The following KNDC1 variants were observed in gnomAD, a reference collection of about 807,000 sequenced individuals.
KNDC1 encodes kinase non-catalytic C-lobe domain-containing protein 1.
Under a neutral mutation model 172.8 loss-of-function variants are expected in KNDC1, and 106 were observed. That is an observed-to-expected ratio of 0.61 (90% CI 0.52 to 0.72). KNDC1 has a LOEUF of 0.72. Among genes scored for constraint, KNDC1 ranks in the 30% least tolerant of loss-of-function variants. The probability of loss-of-function intolerance (pLI) is 0.00; values close to 1 mark genes in which losing one functional copy is unlikely to be tolerated. For synonymous variants in KNDC1, 1,083 were observed against 1,062.2 expected, an observed-to-expected ratio of 1.02 and a Z score of -0.38; for missense variants, 2,325 against 2,394.5, an observed-to-expected ratio of 0.97 and a Z score of 0.61.
At chr10:133,173,756 G>A (rs11101608) in intron 3 of KNDC1, among the ~76,000 whole-genome samples, 3,365 of 152,316 alleles carry the variant, frequency 0.022, 45 homozygotes, top group Middle Eastern at 0.034. Flanking sequence ...TGTGCCTCCT[G>A]TGGGTGGGCT....
At position 133,213,498 on chromosome 10, in the gene KNDC1, C is replaced by T. The variant is rs368770505; in HGVS notation, c.4444-147C>T. On this transcript the variant is annotated intron_variant, in intron 24 of 29. Transcript: ENST00000304613. Reference sequence around the variant, plus strand: ...CCAAGCACATGGGGAGCCCTGCAGCCGACCCCTGTGGACTGTTAGATGGGT... The same window carrying T: ...CCAAGCACATGGGGAGCCCTGCAGCTGACCCCTGTGGACTGTTAGATGGGT... 1.5e-4 allele frequency: 99 copies of T among 665,444 alleles called. No homozygotes were observed. The East Asian group carries it at 1.8e-3, about 12-fold the overall frequency. The allele number at this position is 665,444 out of a possible 1,614,324, so 41.2% of individuals were successfully genotyped here. A position where few individuals can be genotyped will look rare whatever the true frequency, so the allele number is the denominator to read the frequency against.
intron 3 of KNDC1, 76 bp from the exon 4 acceptor site, chr10:133,183,268 C>A: frequency 6.9e-7 from 1 of 1,449,416 alleles, no homozygotes; most frequent in Non-Finnish European, 9.2e-7. Flanking sequence ...GAGCTCCTGG[C>A]CCGGAGAAGT....
Position 133,199,523 on chromosome 10 carries a change from T to C in KNDC1, c.2824T>C (p.Phe942Leu). 6.2e-7 allele frequency: 1 copy of C among 1,613,908 alleles called. No homozygotes were observed. Among genetic ancestry groups the C allele is most frequent in the Non-Finnish European group, 8.5e-7 (1 of 1,180,004 alleles). Reference protein sequence around the residue: ...ATFCGAISEKFCDLYWDEKLL... With the variant: ...ATFCGAISEKLCDLYWDEKLL... ...TTTCTGTGGCGCCATTTCCGAGAAG[T>C]TCTGTGACCTGTACTGGGATGAGAA... Residue 942 changes from phenylalanine to leucine, a missense_variant, in exon 15 of 30, where the codon TTC becomes CTC. Phe to Leu is a conservative substitution (Grantham distance 22). Transcript: ENST00000304613.
chr10:133,184,020 T>TCTTGCATGCATCCTCTTG (rs138319019), intron 5 of KNDC1, 31 bp downstream of exon 5: 1 of 1,321,568 alleles, frequency 7.6e-7, no homozygotes, highest in Non-Finnish European at 1.1e-6. Flanking sequence ...ACGTGCATCC[T>TCTTGCATGCATCCTCTTG]CATGCACATA....
At chr10:133,186,804 G>A (rs1458156538) in intron 6 of KNDC1, 130 bp downstream of exon 6, 1 of 701,554 alleles carries the variant, frequency 1.4e-6, no homozygotes, top group East Asian at 2.9e-5. Context: ...CATAATTAAA[G>A]ACATTTTCAT....
In KNDC1 at chr10:133,160,440, C is replaced by CGGGGGCG. The variant is rs1168111345; in HGVS notation, c.-26_-20dup. On this transcript the variant is annotated 5_prime_UTR_variant, in exon 1 of 30. Coordinates refer to ENST00000304613, the MANE Select transcript of KNDC1 (RefSeq NM_152643.8). ...CCCAGCCCAGCCCAGCCGGAGGCCC[C>CGGGGGCG]GGGGGCGGTGCGCGGCGCGGCCGCA... is the stretch of plus-strand genomic sequence containing the variant. 4.1e-6 allele frequency: 6 copies of CGGGGGCG among 1,466,168 alleles called. No homozygotes were observed. The African/African-American group carries it at 7.4e-5, about 18-fold the overall frequency. The allele number at this position is 1,466,168 out of a possible 1,614,324, so 90.8% of individuals were successfully genotyped here.
At chr10:133,168,493 C>A (rs897644691) in intron 3 of KNDC1, among the ~76,000 whole-genome samples, 181 bp downstream of exon 3, 1 of 152,042 alleles carries the variant, frequency 6.6e-6, no homozygotes, top group African/African-American at 2.4e-5. Flanking sequence ...CACCCGGCTT[C>A]GTCCCCTGCA....
chr10:133,211,284 A>T, intron 21 of KNDC1, 138 bp from the exon 22 acceptor site: 18 of 575,804 alleles, frequency 3.1e-5, no homozygotes, highest in Non-Finnish European at 4.4e-5. Flanking sequence ...CCCACGGAAG[A>T]CCCCCAGCCC....
rs751249516 is a variant in KNDC1, at chr10:133,183,477, G to A, written c.494G>A (p.Arg165Gln). 3.1e-6 allele frequency: 5 copies of A among 1,603,194 alleles called. No individual in the cohort carries two copies. The highest frequency in any genetic ancestry group is 1.1e-5 in the South Asian group (1 of 89,254). The change falls in exon 4 of 30, where the codon CGG becomes CAG. Residue 165 changes from arginine (R) to glutamine (Q), a missense_variant. By Grantham distance (43) the Arg-to-Gln change is conservative (BLOSUM62 1). Coordinates refer to ENST00000304613, the MANE Select transcript of KNDC1 (RefSeq NM_152643.8). ...ATGCAGGCGGAGGACCCCGGGGACCGGCCGGACCTTGAGGTAAGCGAGGCT... is the reference window on the plus strand; with the variant it reads ...ATGCAGGCGGAGGACCCCGGGGACCAGCCGGACCTTGAGGTAAGCGAGGCT... ...SRMQAEDPGD[R>Q]PDLESIIALC... is the part of the protein sequence containing the mutation.
chr10:133,164,618 C>T (rs566129419), intron 1 of KNDC1, among the ~76,000 whole-genome samples: 2 of 152,360 alleles, frequency 1.3e-5, no homozygotes, highest in Admixed American at 6.5e-5. Context: ...CCCCGCAGCC[C>T]GGCTGGGCGT....
rs1205896316 is a variant in KNDC1 at position 133,163,499 on chromosome 10, G to A, written c.102+2930G>A. ...AGAAGGCACCTCGGGAGCAGAGGTG[G>A]TTTTGTGGTGGGGGCCTGGCAGTGT... On this transcript the variant is annotated intron_variant, in intron 1 of 29. Coordinates refer to ENST00000304613, the MANE Select transcript of KNDC1 (RefSeq NM_152643.8). This position sits in a 1 kb window ranked among gnomAD's most constrained non-coding sequence, Gnocchi z 4.4. Among the ~76,000 whole-genome samples, 1 of 152,166 alleles carries A rather than the reference G, an allele frequency of 6.6e-6. No individual in the cohort carries two copies. Among genetic ancestry groups the A allele is most frequent in the South Asian group, 2.1e-4 (1 of 4,828 alleles).
intron 1 of KNDC1, among the ~76,000 whole-genome samples, chr10:133,166,658 C>T (rs1296726292): frequency 6.6e-6 from 1 of 151,694 alleles, no homozygotes; most frequent in Non-Finnish European, 1.5e-5. Context: ...CCTGTGTTGG[C>T]GTGTGTCCAT....
At chr10:133,211,056 G>A (rs1589770931) in intron 21 of KNDC1, among the ~76,000 whole-genome samples, 1 of 152,082 alleles carries the variant, frequency 6.6e-6, no homozygotes, top group African/African-American at 2.4e-5. Flanking sequence ...GGGGGAAGGG[G>A]AAGCACCAAG....
chr10:133,222,014 G>GCCC, intron 29 of KNDC1, among the ~76,000 whole-genome samples: 1 of 145,834 alleles, frequency 6.9e-6, no homozygotes, highest in South Asian at 2.2e-4. Context: ...GGGCGCGGTG[G>GCCC]CTCACGCCAG....
Position 133,210,612 on chromosome 10 carries a change from G to A in KNDC1, c.3796G>A (p.Asp1266Asn), listed in dbSNP as rs996243997. The A allele has an allele frequency of 6.2e-7, 1 of 1,600,896 alleles. No individual in the cohort carries two copies. The highest frequency in any genetic ancestry group is 1.3e-5 in the African/African-American group (1 of 74,508). The part of the protein sequence containing the change: ...LGLMAYLYSS[D>N]AFLEGYVQQF... ...ACCGCCGCCCGCCCCGCCCCACAGT[G>A]ATGCCTTCCTGGAGGGTTATGTGCA... Residue 1266 changes from aspartate to asparagine, a missense_variant and splice_region_variant, in exon 21 of 30, where the codon GAT (aspartate) becomes AAT (asparagine). Transcript: ENST00000304613.
intron 23 of KNDC1, 142 bp downstream of exon 23, chr10:133,212,000 C>CGTGTGCACATACACTT: frequency 2.6e-6 from 2 of 755,146 alleles, no homozygotes. Context: ...TACACATAGA[C>CGTGTGCACATACACTT]GTGTGCACAT....
At chr10:133,205,565 C>T (rs892887913) in intron 17 of KNDC1, among the ~76,000 whole-genome samples, 2 of 152,240 alleles carry the variant, frequency 1.3e-5, no homozygotes, top group East Asian at 3.8e-4. Context: ...CTGCGGCCGC[C>T]GCCCAGCAAA....
chr10:133,167,676 G>A (rs1255638940), intron 2 of KNDC1, 97 bp downstream of exon 2: 3 of 1,329,658 alleles, frequency 2.3e-6, no homozygotes, highest in East Asian at 2.5e-5. Flanking sequence ...AGCAGATGCT[G>A]GGAGCATGCC....
chr10:133,180,331 G>C (rs567345323), intron 3 of KNDC1, among the ~76,000 whole-genome samples: 1 of 152,176 alleles, frequency 6.6e-6, no homozygotes, highest in Admixed American at 6.5e-5. Context: ...TCTGCACCTC[G>C]AGGGCCGACT....
Sources: allele counts gnomAD v4.1 joint callset (sites outside exome capture counted in the v4.1 genomes callset), GRCh38; gene constraint gnomAD v4.1.1; non-coding constraint Gnocchi (gnomAD v3.1); transcripts MANE v1.5; gene names NCBI Gene and HGNC (gene_info 2026-07-23, HGNC 2026-07-21).